Variants in SLC43A1 observed in about 807,000 individuals in gnomAD.
SLC43A1 encodes the protein large neutral amino acids transporter small subunit 3.
Under a neutral mutation model 59.5 loss-of-function variants are expected in SLC43A1, and 31 were observed. The ratio of observed to expected loss-of-function variants is 0.52; its 90% confidence interval spans 0.39 to 0.70. SLC43A1 has a LOEUF of 0.70. SLC43A1 is among the 30% of genes least tolerant of loss of function. The pLI, the probability that SLC43A1 is intolerant of heterozygous loss-of-function variation, is 0.00. For synonymous variants in SLC43A1, 259 were observed against 290.9 expected, an observed-to-expected ratio of 0.89 and a Z score of 1.12; for missense variants, 598 against 717.8, an observed-to-expected ratio of 0.83 and a Z score of 1.91.
intron 14 of SLC43A1, 139 bp downstream of exon 14, chr11:57,486,956 A>C: frequency 1.2e-6 from 1 of 831,968 alleles, no homozygotes; most frequent in Non-Finnish European, 1.9e-6. Flanking sequence ...TAAAAGGCAG[A>C]CAACTTGGAA....
At chr11:57,503,657 C>G (rs1944323759) in intron 2 of SLC43A1, among the ~76,000 whole-genome samples, 1 of 152,120 alleles carries the variant, frequency 6.6e-6, no homozygotes, top group African/African-American at 2.4e-5. Flanking sequence ...TTTATTCATT[C>G]TACACCCACT....
intron 5 of SLC43A1, chr11:57,499,698 C>T: frequency 6.6e-6 from 1 of 152,490 alleles, no homozygotes; most frequent in Non-Finnish European, 1.5e-5. Context: ...GCGGGGCCGG[C>T]CAGAGGGAGC....
chr11:57,505,065 T>TG (rs1431009587), intron 2 of SLC43A1, among the ~76,000 whole-genome samples: 2 of 152,164 alleles, frequency 1.3e-5, no homozygotes, highest in Non-Finnish European at 2.9e-5. Context: ...AAGCATAGGA[T>TG]GGGACAGTGA....
chr11:57,512,323 G>A (rs1944568440), intron 2 of SLC43A1, among the ~76,000 whole-genome samples: 1 of 152,154 alleles, frequency 6.6e-6, no homozygotes, highest in Admixed American at 6.5e-5. Context: ...CAAGAGTGGT[G>A]GCTCATGTCT....
intron 8 of SLC43A1, among the ~76,000 whole-genome samples, chr11:57,493,672 A>C (rs1398696366): frequency 6.6e-6 from 1 of 152,132 alleles, no homozygotes; most frequent in African/African-American, 2.4e-5. Flanking sequence ...GCCTGGCTGC[A>C]CCTGATGCAA....
Position 57,494,849 on chromosome 11 carries a change from C to CT in SLC43A1, c.693-679dup, listed in dbSNP as rs34199356. 6.3e-3 allele frequency among the ~76,000 whole-genome samples: 895 copies of CT among 143,064 alleles called. 4 individuals are homozygous for CT. The highest frequency in any genetic ancestry group is 0.011 in the Admixed American group (159 of 14,294). 93.9% of individuals were successfully genotyped at this position (143,064 alleles called of 152,430 possible). A position where few individuals can be genotyped will look rare whatever the true frequency, so the allele number is the denominator to read the frequency against. The stretch of plus-strand genomic sequence containing the variant: ...AGGATGAAAACAGTATTTGTCATTA[C>CT]TTTTTTTTTTTTTTTGAGACGGAGT... On this transcript the variant is annotated intron_variant, in intron 7 of 14. Coordinates refer to ENST00000278426, the MANE Select transcript of SLC43A1 (RefSeq NM_003627.6).
intron 6 of SLC43A1, among the ~76,000 whole-genome samples, chr11:57,496,482 CACAA>C (rs1240315009): frequency 6.6e-6 from 1 of 152,196 alleles, no homozygotes; most frequent in Non-Finnish European, 1.5e-5. Flanking sequence ...CCTATGACTC[CACAA>C]ACATTCATGT....
At chr11:57,504,166 C>T (rs1590772839) in intron 2 of SLC43A1, among the ~76,000 whole-genome samples, 1 of 152,220 alleles carries the variant, frequency 6.6e-6, no homozygotes, top group East Asian at 1.9e-4. Context: ...CACTGCACTC[C>T]AGCCTGGGTG....
chr11:57,506,285 G>C (rs961434584), intron 2 of SLC43A1, among the ~76,000 whole-genome samples: 1 of 152,184 alleles, frequency 6.6e-6, no homozygotes, highest in Non-Finnish European at 1.5e-5. Flanking sequence ...GGTGGAGGAC[G>C]CAATGAGCTG....
chr11:57,513,641 A>G (rs1435537528), intron 2 of SLC43A1, among the ~76,000 whole-genome samples: 2 of 152,204 alleles, frequency 1.3e-5, no homozygotes, highest in South Asian at 2.1e-4. Context: ...TAGCCCTATT[A>G]AGAAATTCCT....
At chr11:57,497,913 C>T in intron 5 of SLC43A1, 68 bp from the exon 6 acceptor site, 3 of 1,227,612 alleles carry the variant, frequency 2.4e-6, no homozygotes, top group Non-Finnish European at 3.5e-6. Context: ...CCCAGCCCTG[C>T]TCCATACAAT....
chr11:57,500,964 G>A, intron 4 of SLC43A1, 24 bp downstream of exon 4: 2 of 1,595,462 alleles, frequency 1.3e-6, no homozygotes, highest in East Asian at 2.3e-5. Context: ...TTCTTGTGGG[G>A]CCACAAGAGG....
At chr11:57,494,237 G>C in intron 7 of SLC43A1, 66 bp from the exon 8 acceptor site, 11 of 1,502,282 alleles carry the variant, frequency 7.3e-6, no homozygotes, top group Non-Finnish European at 9.9e-6. Flanking sequence ...ACGGCCTAGT[G>C]CTCGGCGGCC....
Position 57,496,214 on chromosome 11 carries a change from C to T in SLC43A1, c.559-50G>A, listed in dbSNP as rs568803612. On this transcript the variant is annotated intron_variant, in intron 6 of 14. Coordinates refer to ENST00000278426, the MANE Select transcript of SLC43A1 (RefSeq NM_003627.6). ...TGGGGGAGACTGCCTGGCCCCAGACCCCACCAAGGTAGATCCCAGGCCTCA... is the reference window on the plus strand; with the variant it reads ...TGGGGGAGACTGCCTGGCCCCAGACTCCACCAAGGTAGATCCCAGGCCTCA... The T allele has an allele frequency of 4.4e-6, 7 of 1,606,366 alleles. No homozygotes were observed. The African/African-American group carries it at 8.0e-5, about 18-fold the overall frequency.
chr11:57,487,087 G>T lies in SLC43A1; in HGVS notation c.1533+8C>A. Reference sequence around the variant, plus strand: ...TCCTGCTCCCCCCACACCAACCCTCGCTCTCACCCAGAAGGGCTCTCCTTT... The same window carrying T: ...TCCTGCTCCCCCCACACCAACCCTCTCTCTCACCCAGAAGGGCTCTCCTTT... On this transcript the variant is annotated splice_region_variant and intron_variant, in intron 14 of 14. Coordinates refer to ENST00000278426, the MANE Select transcript of SLC43A1 (RefSeq NM_003627.6). 6.2e-7 allele frequency: 1 copy of T among 1,613,042 alleles called. No individual in the cohort carries two copies. The highest frequency in any genetic ancestry group is 8.5e-7 in the Non-Finnish European group (1 of 1,179,602).
At position 57,489,232 on chromosome 11, in the gene SLC43A1, G is replaced by A. The variant is rs1355816026; in HGVS notation, c.1335+19C>T. On this transcript the variant is annotated intron_variant, in intron 12 of 14. Coordinates refer to ENST00000278426, the MANE Select transcript of SLC43A1 (RefSeq NM_003627.6). Reference sequence around the variant, plus strand: ...GGAGCCTCGGGAGGCAGGGAGAGGGGAAGGATGAAGGTGGGTACCTGGAGG... The same window carrying A: ...GGAGCCTCGGGAGGCAGGGAGAGGGAAAGGATGAAGGTGGGTACCTGGAGG... 2.5e-6 allele frequency: 4 copies of A among 1,614,072 alleles called. No individual in the cohort carries two copies. Among genetic ancestry groups the A allele is most frequent in the South Asian group, 2.2e-5 (2 of 91,080 alleles).
chr11:57,504,496 CCTA>C (rs1156956728), intron 2 of SLC43A1, among the ~76,000 whole-genome samples: 3 of 152,218 alleles, frequency 2.0e-5, no homozygotes, highest in African/African-American at 7.2e-5. Context: ...CAAATTTACA[CCTA>C]CTTTGTGCCA....
intron 14 of SLC43A1, 22 bp downstream of exon 14, chr11:57,487,073 C>A: frequency 1.2e-6 from 2 of 1,612,520 alleles, no homozygotes; most frequent in Non-Finnish European, 1.7e-6. Flanking sequence ...CCTGCTCCCC[C>A]CACACCAACC....
intron 4 of SLC43A1, 56 bp downstream of exon 4, chr11:57,500,932 C>T (rs148569322): frequency 2.4e-5 from 38 of 1,597,950 alleles, no homozygotes; most frequent in African/African-American, 5.4e-5. Context: ...GGTAAACATC[C>T]GCCTTCATCC....
Sources: gnomAD v4.1 joint callset for allele counts (sites outside exome capture counted in the v4.1 genomes callset) on GRCh38, gnomAD v4.1.1 for gene constraint, MANE v1.5 for transcripts, NCBI Gene and HGNC (gene_info 2026-07-23, HGNC 2026-07-21) for gene names.